RABGAP1L: variants seen among roughly 807,000 people sequenced by gnomAD.
RABGAP1L encodes the protein rab GTPase-activating protein 1-like.
Under a neutral mutation model 137.7 loss-of-function variants are expected in RABGAP1L, and 63 were observed. The ratio of observed to expected loss-of-function variants is 0.46; its 90% CI spans 0.37 to 0.56. RABGAP1L has a LOEUF of 0.56. RABGAP1L is among the 20% of genes least tolerant of loss of function. The probability of loss-of-function intolerance (pLI) is 0.00; values close to 1 mark genes in which losing one functional copy is unlikely to be tolerated. For synonymous variants in RABGAP1L, 431 were observed against 433.7 expected, an observed-to-expected ratio of 0.99 and a Z score of 0.08; for missense variants, 1,095 against 1,244.0, an observed-to-expected ratio of 0.88 and a Z score of 1.80.
At chr1:174,391,738 A>G (rs1274992275) in intron 12 of RABGAP1L, among the ~76,000 whole-genome samples, 1 of 152,188 alleles carries the variant, frequency 6.6e-6, no homozygotes, top group East Asian at 1.9e-4. Context: ...TCTCTATATA[A>G]CATGTAACAT....
At chr1:174,360,892 C>CA (rs1268347205) in intron 11 of RABGAP1L, among the ~76,000 whole-genome samples, 1 of 152,124 alleles carries the variant, frequency 6.6e-6, no homozygotes, top group African/African-American at 2.4e-5. Flanking sequence ...TGTGGTGGCT[C>CA]ACGCCTGTAA....
chr1:174,781,423 T>A (rs1055341840), intron 18 of RABGAP1L, among the ~76,000 whole-genome samples: 64 of 152,246 alleles, frequency 4.2e-4, no homozygotes, highest in Admixed American at 7.9e-4. Context: ...GGCTGTTTTT[T>A]TCTTGTAAAT....
At position 174,918,787 on chromosome 1, in the gene RABGAP1L, A is replaced by G. The variant is rs369570185; in HGVS notation, c.2341-38670A>G. ...GCAAGATCTTTTTTCAAAAAAGAAG[A>G]AAAGAATTCAGAGCCTGGGCAACAA... On this transcript the variant is annotated intron_variant, in intron 19 of 25. Transcript: ENST00000681986. 6.0e-5 allele frequency among the ~76,000 whole-genome samples: 9 copies of G among 151,260 alleles called. No individual in the cohort carries two copies. The South Asian group carries it at 1.0e-3, about 18-fold the overall frequency.
At chr1:174,349,628 T>G (rs1244894501) in intron 11 of RABGAP1L, among the ~76,000 whole-genome samples, 5 of 98,720 alleles carry the variant, frequency 5.1e-5, no homozygotes, top group Non-Finnish European at 4.2e-5. Context: ...GCTGGCCGGG[T>G]GGGGGGCTGA....
chr1:174,909,861 C>T (rs1157450061), intron 19 of RABGAP1L, among the ~76,000 whole-genome samples: 1 of 152,016 alleles, frequency 6.6e-6, no homozygotes, highest in East Asian at 1.9e-4. Flanking sequence ...TGAGATCAGC[C>T]GGGTGTGGTG....
At chr1:174,526,179 T>C (rs1179835705) in intron 13 of RABGAP1L, among the ~76,000 whole-genome samples, 2 of 152,174 alleles carry the variant, frequency 1.3e-5, no homozygotes, top group African/African-American at 2.4e-5. Context: ...TATTAGTCCT[T>C]TGTTGGATGA....
intron 13 of RABGAP1L, among the ~76,000 whole-genome samples, chr1:174,622,144 C>A (rs1672550215): frequency 1.3e-5 from 2 of 152,150 alleles, no homozygotes; most frequent in Non-Finnish European, 2.9e-5. Context: ...CAAATCAAAA[C>A]CACAATGAGA....
At chr1:174,271,274 A>C (rs1244081612) in intron 7 of RABGAP1L, among the ~76,000 whole-genome samples, 1 of 151,988 alleles carries the variant, frequency 6.6e-6, no homozygotes, top group Non-Finnish European at 1.5e-5. Flanking sequence ...GTATACATTT[A>C]CTCCTTACTA....
intron 19 of RABGAP1L, chr1:174,934,843 A>T (rs1203586820): frequency 2.0e-5 from 3 of 152,224 alleles, no homozygotes; most frequent in African/African-American, 7.2e-5. Context: ...ATGCTTCACA[A>T]ATTTTACTTA....
At position 174,535,846 on chromosome 1, in the gene RABGAP1L, A is replaced by G. The variant is rs1277354461; in HGVS notation, c.1711-101529A>G. Among the ~76,000 whole-genome samples the G allele has an allele frequency of 5.3e-5, 8 of 152,330 alleles. No individual in the cohort carries two copies. In the East Asian group the frequency reaches 1.5e-3, roughly 29 times the overall value. ...ACTCAAAATGTCTCATGAGTTTTAT[A>G]GAAAAATTGAGCATATTTAAAAATT... On this transcript the variant is annotated intron_variant, in intron 13 of 25. Coordinates refer to ENST00000681986, the MANE Select transcript of RABGAP1L (RefSeq NM_001366446.1).
At chr1:174,838,747 C>G (rs1349620292) in intron 19 of RABGAP1L, among the ~76,000 whole-genome samples, 1 of 151,050 alleles carries the variant, frequency 6.6e-6, no homozygotes, top group Non-Finnish European at 1.5e-5. Context: ...GAAACCCCGT[C>G]TCTACTAAAA....
intron 14 of RABGAP1L, among the ~76,000 whole-genome samples, chr1:174,641,609 A>G (rs956413600): frequency 2.6e-5 from 4 of 152,158 alleles, no homozygotes; most frequent in Admixed American, 6.6e-5. Flanking sequence ...CACCCCAAAT[A>G]TATTTTGCAT....
At chr1:174,229,646 T>C (rs967665686) in intron 3 of RABGAP1L, among the ~76,000 whole-genome samples, 19 of 152,148 alleles carry the variant, frequency 1.2e-4, no homozygotes, top group African/African-American at 3.9e-4. Flanking sequence ...ACACTTTACA[T>C]GTGAAAAGAG....
intron 18 of RABGAP1L, among the ~76,000 whole-genome samples, chr1:174,758,702 G>A (rs1684975633): frequency 6.6e-6 from 1 of 152,050 alleles, no homozygotes; most frequent in Non-Finnish European, 1.5e-5. Flanking sequence ...CAGGTGATGG[G>A]CACTTAGGTT....
intron 21 of RABGAP1L, among the ~76,000 whole-genome samples, chr1:174,971,584 A>C (rs1285223653): frequency 6.7e-6 from 1 of 149,850 alleles, no homozygotes; most frequent in African/African-American, 2.4e-5. Context: ...TAGATGAAAG[A>C]ATCTAGATGA....
chr1:174,394,202 A>G (rs1647533916), intron 13 of RABGAP1L, 57 bp downstream of exon 13: 5 of 1,567,466 alleles, frequency 3.2e-6, no homozygotes, highest in Admixed American at 3.6e-5. Context: ...AATAAATCCT[A>G]GTTTTCATAG....
intron 17 of RABGAP1L, among the ~76,000 whole-genome samples, chr1:174,723,152 G>A (rs1398482795): frequency 6.6e-6 from 1 of 152,058 alleles, no homozygotes; most frequent in East Asian, 1.9e-4. Flanking sequence ...TCAGCCCACT[G>A]CAATCTCCAC....
chr1:174,582,491 G>C (rs1668817359), intron 13 of RABGAP1L, among the ~76,000 whole-genome samples: 1 of 152,068 alleles, frequency 6.6e-6, no homozygotes, highest in Non-Finnish European at 1.5e-5. Flanking sequence ...TGTAGTCCCA[G>C]CTACTGAGGA....
At chr1:174,642,428 C>T (rs1674601052) in intron 14 of RABGAP1L, among the ~76,000 whole-genome samples, 1 of 152,090 alleles carries the variant, frequency 6.6e-6, no homozygotes, top group Admixed American at 6.5e-5. Flanking sequence ...ATCACTGACT[C>T]TTAAAATGAC....
Sources: gnomAD v4.1 joint callset for allele counts (sites outside exome capture counted in the v4.1 genomes callset) on GRCh38, gnomAD v4.1.1 for gene constraint, MANE v1.5 for transcripts, NCBI Gene and HGNC (gene_info 2026-07-23, HGNC 2026-07-21) for gene names.